Variants in RHOT2 observed in about 807,000 individuals in gnomAD.
RHOT2 encodes the protein ras homolog family member T2, also known as mitochondrial Rho GTPase 2.
Under a neutral mutation model 81.6 loss-of-function variants are expected in RHOT2, and 90 were observed. The observed-to-expected ratio is 1.10, with a 90% confidence interval of 0.93 to 1.31. The LOEUF is 1.31. RHOT2 is among the 40% of genes most tolerant of loss of function. The probability of loss-of-function intolerance (pLI) is 0.00; values close to 1 mark genes in which losing one functional copy is unlikely to be tolerated. For synonymous variants in RHOT2, 512 were observed against 370.9 expected, an observed-to-expected ratio of 1.38 and a Z score of -4.37; for missense variants, 1,014 against 841.9, an observed-to-expected ratio of 1.20 and a Z score of -2.53.
Position 669,145 on chromosome 16 carries a change from ACT to A in RHOT2, c.223-405_223-404del, listed in dbSNP as rs2038455399. 3 of 379,776 alleles carry A rather than the reference ACT, an allele frequency of 7.9e-6. No homozygotes were observed. In the South Asian group the frequency reaches 9.7e-5, roughly 12 times the overall value. The allele number at this position is 379,776 out of a possible 1,614,324, so 23.5% of individuals were successfully genotyped here. On this transcript the variant is annotated intron_variant, in intron 4 of 18. Coordinates refer to ENST00000315082, the MANE Select transcript of RHOT2 (RefSeq NM_138769.3). Reference sequence around the variant, plus strand: ...TGGCACCCCTCACTGCGGTCCTGTCACTCTGTCTGTAGCGAGGGGGGAGGCAG... The same window carrying A: ...TGGCACCCCTCACTGCGGTCCTGTCACTGTCTGTAGCGAGGGGGGAGGCAG...
rs756498194 is a variant in RHOT2 at position 672,151 on chromosome 16, TG to T, written c.1166del (p.Cys389LeufsTer34). 3 of 1,612,292 alleles carry T rather than the reference TG, an allele frequency of 1.9e-6. No individual in the cohort carries two copies. The highest frequency in any genetic ancestry group is 1.1e-5 in the South Asian group (1 of 91,066). ...AGGCTACCTGGGCTACCCCACCCTCTGTGAGCAGGACCAGGCCCATGCCATC... is the reference window on the plus strand; with the variant it reads ...AGGCTACCTGGGCTACCCCACCCTCTTGAGCAGGACCAGGCCCATGCCATC... ...HLGYLGYPTL[C>X]EQDQAHAITV... On this transcript the variant is annotated frameshift_variant, in exon 14 of 19. Coordinates refer to ENST00000315082, the MANE Select transcript of RHOT2 (RefSeq NM_138769.3). LOFTEE classifies it high-confidence loss of function.
In RHOT2 at chr16:671,882, C is replaced by G. The variant is rs765192120; in HGVS notation, c.977C>G (p.Pro326Arg). 1 of 1,612,010 alleles carries G rather than the reference C, an allele frequency of 6.2e-7. No individual in the cohort carries two copies. The highest frequency in any genetic ancestry group is 1.1e-5 in the South Asian group (1 of 91,046). ...HDQDRDGALS[P>R]VELQSLFSVF... ...CAGGACCGCGACGGCGCCCTCTCGC[C>G]CGTGGAGCTGCAAAGCCTTTTCAGT... Residue 326 changes from proline to arginine, a missense_variant, in exon 13 of 19, where the codon CCC (proline) becomes CGC (arginine). By Grantham distance (103) the Pro-to-Arg change is moderately radical. Transcript: ENST00000315082.
intron 4 of RHOT2, 57 bp from the exon 5 acceptor site, chr16:669,496 G>T (rs752386348): frequency 5.7e-6 from 9 of 1,578,196 alleles, no homozygotes; most frequent in Non-Finnish European, 7.8e-6. Context: ...GAACGGCCAG[G>T]GTCGTCGGTG....
chr16:673,419 C>G, intron 18 of RHOT2, 61 bp from the exon 19 acceptor site: 2 of 1,608,182 alleles, frequency 1.2e-6, no homozygotes, highest in Non-Finnish European at 1.7e-6. Context: ...TGGGAGGGTG[C>G]CCAGCAGCAA....
chr16:668,567 C>T lies in RHOT2; in HGVS notation c.176C>T (p.Ser59Leu). ...GTGCCCACCCACATCGTGGACTACTCAGGTAGCGGCCGTAGCCTCCCGGGG... is the reference window on the plus strand; with the variant it reads ...GTGCCCACCCACATCGTGGACTACTTAGGTAGCGGCCGTAGCCTCCCGGGG... ...EKVPTHIVDY[S>L]EAEQTDEELR... is the part of the protein sequence containing the mutation. The change falls in exon 3 of 19, where the codon TCA (serine) becomes TTA (leucine). Residue 59 changes from serine to leucine, a missense_variant and splice_region_variant. By Grantham distance (145) the Ser-to-Leu change is moderately radical (BLOSUM62 -2). Coordinates refer to ENST00000315082, the MANE Select transcript of RHOT2 (RefSeq NM_138769.3). 2 of 1,610,694 alleles carry T rather than the reference C, an allele frequency of 1.2e-6. No individual in the cohort carries two copies. The highest frequency in any genetic ancestry group is 2.2e-5 in the South Asian group (2 of 90,758).
chr16:670,131 T>A lies in RHOT2; in HGVS notation c.285T>A (p.Thr95=), dbSNP rs1479941098. ...SEEATIEKIR[T]KWIPLVNGGT... is the part of the protein sequence containing the mutation. ...CAGGCTTTGCTTTTCAGATTCGAAC[T>A]AAGTGGATCCCACTGGTGAATGGGG... Residue 95 remains threonine, a synonymous_variant, in exon 6 of 19, where the codon ACT becomes ACA. Coordinates refer to ENST00000315082, the MANE Select transcript of RHOT2 (RefSeq NM_138769.3). The A allele has an allele frequency of 6.4e-7, 1 of 1,572,462 alleles. No homozygotes were observed.
At chr16:673,163 G>C in intron 18 of RHOT2, 33 bp downstream of exon 18, 1 of 1,598,574 alleles carries the variant, frequency 6.3e-7, no homozygotes, top group Non-Finnish European at 8.5e-7. Context: ...CTGGGGACTA[G>C]CAGTGTCTGT....
Position 668,663 on chromosome 16 carries a change from G to A in RHOT2, c.186G>A (p.Glu62=), listed in dbSNP as rs765711208. The A allele has an allele frequency of 1.2e-6, 2 of 1,606,162 alleles. No individual in the cohort carries two copies. The highest frequency in any genetic ancestry group is 1.7e-6 in the Non-Finnish European group (2 of 1,177,326). Residue 62 remains glutamate (E), a synonymous_variant, in exon 4 of 19, where the codon GAG becomes GAA. Transcript: ENST00000315082. ...GTCTCTTTGTCCCCCTAGAAGCCGA[G>A]CAGACGGACGAGGAGCTGCGGGAGG... ...PTHIVDYSEA[E]QTDEELREEI...
chr16:672,950 C>T lies in RHOT2; in HGVS notation c.1550C>T (p.Thr517Ile), dbSNP rs758586991. The T allele has an allele frequency of 5.6e-6, 9 of 1,612,700 alleles. No homozygotes were observed. The highest frequency in any genetic ancestry group is 2.2e-5 in the East Asian group (1 of 44,894). ...VYKHHYMDGQ[T>I]PCLFVSSKAD... The stretch of plus-strand genomic sequence containing the variant: ...CAGCACCATTACATGGACGGGCAGA[C>T]CCCCTGCCTCTTTGTCTCCTCCAAG... The change falls in exon 18 of 19, where the codon ACC (threonine) becomes ATC (isoleucine). Residue 517 changes from threonine to isoleucine, a missense_variant. Transcript: ENST00000315082.
chr16:668,891 C>G, intron 4 of RHOT2, 192 bp downstream of exon 4: 1 of 563,274 alleles, frequency 1.8e-6, no homozygotes, highest in Non-Finnish European at 3.0e-6. Flanking sequence ...TCCAGTGGTG[C>G]TCCAGGGATA....
At position 671,798 on chromosome 16, in the gene RHOT2, T is replaced by TC; in HGVS notation, c.954+21dup. 1.5e-5 allele frequency: 24 copies of TC among 1,562,162 alleles called. No homozygotes were observed. Among genetic ancestry groups the TC allele is most frequent in the Non-Finnish European group, 1.7e-5 (20 of 1,148,110 alleles). On this transcript the variant is annotated intron_variant, in intron 12 of 18. Coordinates refer to ENST00000315082, the MANE Select transcript of RHOT2 (RefSeq NM_138769.3). The stretch of plus-strand genomic sequence containing the variant: ...CACGACCAGGTGAGAGCATGGCGAG[T>TC]CCCCTGCCCCTGCCCCCGCCCCCTC...
At chr16:672,897 G>T (rs375402547) in intron 17 of RHOT2, 31 bp from the exon 18 acceptor site, 4 of 1,612,582 alleles carry the variant, frequency 2.5e-6, no homozygotes, top group Admixed American at 3.3e-5. Context: ...GCCACCCCAG[G>T]ACTGTACCTC....
In RHOT2 at chr16:673,753, C is replaced by T. The variant is rs908261470; in HGVS notation, c.*147C>T. ...CTTTTTGTTTCTGAAGGCAGTCGAT[C>T]TGCAGCGGGGCCTTATGCTGCCATG... On this transcript the variant is annotated 3_prime_UTR_variant, in exon 19 of 19. Coordinates refer to ENST00000315082, the MANE Select transcript of RHOT2 (RefSeq NM_138769.3). 2.5e-5 allele frequency: 25 copies of T among 997,090 alleles called. No individual in the cohort carries two copies. Among genetic ancestry groups the T allele is most frequent in the Non-Finnish European group, 3.5e-5 (24 of 691,398 alleles). The allele number at this position is 997,090 out of a possible 1,614,324, so 61.8% of individuals were successfully genotyped here.
rs1017418009 is a variant in RHOT2, at chr16:668,454, G to T, written c.97-34G>T. The T allele has an allele frequency of 1.1e-5, 17 of 1,577,060 alleles. No individual in the cohort carries two copies. In the African/African-American group the frequency reaches 2.1e-4, roughly 19 times the overall value. ...CGCGGGGGTGGGAGCGGGCCCAGCC[G>T]GGGGTCCCTGGTGAGCGCGCGGGTC... On this transcript the variant is annotated intron_variant, in intron 2 of 18. Transcript: ENST00000315082.
chr16:669,932 A>C, intron 5 of RHOT2, 191 bp from the exon 6 acceptor site: 1 of 621,384 alleles, frequency 1.6e-6, no homozygotes, highest in Non-Finnish European at 2.8e-6. Flanking sequence ...TTTGGGAGCC[A>C]TTGGGGTCAG....
At chr16:671,838 C>T in intron 12 of RHOT2, 22 bp from the exon 13 acceptor site, 1 of 1,384,398 alleles carries the variant, frequency 7.2e-7, no homozygotes, top group South Asian at 1.1e-5. Flanking sequence ...GCACACACAT[C>T]ACCACATCCC....
chr16:672,152 G>T lies in RHOT2; in HGVS notation c.1166G>T (p.Cys389Phe). The T allele has an allele frequency of 6.2e-7, 1 of 1,612,678 alleles. No homozygotes were observed. The highest frequency in any genetic ancestry group is 8.5e-7 in the Non-Finnish European group (1 of 1,179,944). ...GGCTACCTGGGCTACCCCACCCTCT[G>T]TGAGCAGGACCAGGCCCATGCCATC... ...HLGYLGYPTL[C>F]EQDQAHAITV... Residue 389 changes from cysteine to phenylalanine, a missense_variant, in exon 14 of 19, where the codon TGT becomes TTT. By Grantham distance (205) the Cys-to-Phe change is radical. Transcript: ENST00000315082.
chr16:669,918 G>A (rs1467907471), intron 5 of RHOT2: 4 of 613,324 alleles, frequency 6.5e-6, no homozygotes, highest in East Asian at 5.6e-5. Context: ...GTGACTTGGG[G>A]GTGTTTGGGA....
At position 669,812 on chromosome 16, in the gene RHOT2, T is replaced by C. The variant is rs1046498726; in HGVS notation, c.276+206T>C. ...TGGGGCGTCCCGCAGTCTGAGCCAT[T>C]GAGGCCGGCAGTCCTCTTTCTTCCC... On this transcript the variant is annotated intron_variant, in intron 5 of 18. Transcript: ENST00000315082. 5.4e-5 allele frequency: 34 copies of C among 630,844 alleles called. No individual in the cohort carries two copies. In the East Asian group the frequency reaches 9.3e-4, roughly 17 times the overall value. The allele number at this position is 630,844 out of a possible 1,614,324, so 39.1% of individuals were successfully genotyped here.
Sources: gnomAD v4.1 joint callset for allele counts on GRCh38, gnomAD v4.1.1 for gene constraint, MANE v1.5 for transcripts, NCBI Gene and HGNC (gene_info 2026-07-23, HGNC 2026-07-21) for gene names.